The following GREM2 variants were observed in gnomAD, a reference collection of about 807,000 sequenced individuals.
GREM2 encodes the protein gremlin-2.
Under a neutral mutation model 14.2 loss-of-function variants are expected in GREM2, and 11 were observed. The observed-to-expected ratio is 0.78, with a 90% CI of 0.49 to 1.28. The LOEUF is 1.28. Ranked by LOEUF, GREM2 falls within the 50% of genes most tolerant of loss-of-function variation. GREM2 has a pLI of 0.00. For synonymous variants in GREM2, 98 were observed against 97.6 expected (o/e 1.00, Z -0.02); for missense variants, 210 against 218.5 (o/e 0.96, Z 0.24).
At chr1:240,588,675 C>A (rs1377179644) in intron 1 of GREM2, 2 of 152,204 alleles carry the variant, frequency 1.3e-5, no homozygotes, top group East Asian at 3.8e-4. Flanking sequence ...GTTGACCAGA[C>A]AACTGTACCT....
intron 1 of GREM2, among the ~76,000 whole-genome samples, chr1:240,515,920 C>G (rs1192653461): frequency 6.6e-6 from 1 of 152,092 alleles, no homozygotes; most frequent in Non-Finnish European, 1.5e-5. Flanking sequence ...AGAGTTAATG[C>G]TAAATTACTA....
intron 1 of GREM2, among the ~76,000 whole-genome samples, chr1:240,582,763 C>T (rs1023447702): frequency 1.3e-5 from 2 of 151,600 alleles, no homozygotes; most frequent in Non-Finnish European, 2.9e-5. Context: ...CACAATTGCA[C>T]TCCAGCCTGG....
In GREM2 at chr1:240,543,583, G is replaced by C. The variant is rs1464179925; in HGVS notation, c.-1-50107C>G. On this transcript the variant is annotated intron_variant, in intron 1 of 1. Coordinates refer to ENST00000318160, the MANE Select transcript of GREM2 (RefSeq NM_022469.4). This position sits in a 1 kb window ranked among gnomAD's most constrained non-coding sequence, Gnocchi z 6.4. ...TATTACAATTCAAGGTGAGATTTGG[G>C]AGGGGACACAGCCAAACCATACCAG... 6.6e-6 allele frequency among the ~76,000 whole-genome samples: 1 copy of C among 152,166 alleles called. No individual in the cohort carries two copies. Among genetic ancestry groups the C allele is most frequent in the Non-Finnish European group, 1.5e-5 (1 of 68,050 alleles).
intron 1 of GREM2, among the ~76,000 whole-genome samples, chr1:240,592,637 G>C (rs1054680031): frequency 6.6e-6 from 1 of 152,158 alleles, no homozygotes; most frequent in Non-Finnish European, 1.5e-5. Flanking sequence ...GTATTTATGT[G>C]CCTCAAGAAT....
At chr1:240,607,652 A>G (rs1680055041) in intron 1 of GREM2, among the ~76,000 whole-genome samples, 10 of 152,200 alleles carry the variant, frequency 6.6e-5, no homozygotes, top group Admixed American at 6.5e-4. Flanking sequence ...ACACAGATCT[A>G]TGTTGCTCTC....
chr1:240,532,001 C>T (rs1678373492), intron 1 of GREM2, among the ~76,000 whole-genome samples: 1 of 152,112 alleles, frequency 6.6e-6, no homozygotes, highest in Non-Finnish European at 1.5e-5. Flanking sequence ...CTAACAAGCT[C>T]TTTGACCTAG....
intron 1 of GREM2, chr1:240,549,928 G>A (rs1345724056): frequency 6.6e-6 from 1 of 152,362 alleles, no homozygotes; most frequent in Non-Finnish European, 1.5e-5. Context: ...TACCATGGAT[G>A]AGGCAAATAG....
intron 1 of GREM2, among the ~76,000 whole-genome samples, chr1:240,559,275 C>CTATTGTACAATACATACTTTTG (rs1272851010): frequency 6.6e-6 from 1 of 150,446 alleles, no homozygotes; most frequent in Non-Finnish European, 1.5e-5. Flanking sequence ...GTTGACACAT[C>CTATTGTACAATACATACTTTTG]TATTGTACAA....
chr1:240,537,824 C>G (rs1678506478), intron 1 of GREM2, among the ~76,000 whole-genome samples: 1 of 151,384 alleles, frequency 6.6e-6, no homozygotes. Context: ...TGAGTAAGCC[C>G]TGCAAAAAGT....
rs1283060493 is a variant in GREM2 at position 240,491,016 on chromosome 1, C to T, written c.*1953G>A. The T allele has an allele frequency of 2.0e-5, 3 of 152,338 alleles. No homozygotes were observed. Among genetic ancestry groups the T allele is most frequent in the Non-Finnish European group, 4.4e-5 (3 of 68,068 alleles). 9.4% of individuals were successfully genotyped at this position (152,338 alleles called of 1,614,324 possible). On this transcript the variant is annotated 3_prime_UTR_variant, in exon 2 of 2. Transcript: ENST00000318160. Reference sequence around the variant, plus strand: ...TTCGCTCTATCCTCAGGTTCCAGCCCTCAAGGATTTCTTTTGATTTCTGCC... The same window carrying T: ...TTCGCTCTATCCTCAGGTTCCAGCCTTCAAGGATTTCTTTTGATTTCTGCC...
chr1:240,497,651 G>GC (rs139297306), intron 1 of GREM2, among the ~76,000 whole-genome samples: 2 of 140,930 alleles, frequency 1.4e-5, no homozygotes, highest in African/African-American at 2.7e-5. Context: ...GAAAAAAAAA[G>GC]TTTTTTTTTT....
At chr1:240,500,764 G>A (rs1553271883) in intron 1 of GREM2, among the ~76,000 whole-genome samples, 1 of 152,162 alleles carries the variant, frequency 6.6e-6, no homozygotes, top group Non-Finnish European at 1.5e-5. Context: ...TGGAGGAACA[G>A]TTTTTTTGCT....
intron 1 of GREM2, among the ~76,000 whole-genome samples, chr1:240,586,387 T>G (rs1374932244): frequency 1.3e-5 from 2 of 152,216 alleles, no homozygotes; most frequent in Admixed American, 6.5e-5. Context: ...CTCCTTTCTC[T>G]GTGAAGAACA....
chr1:240,511,643 C>T (rs1677833478), intron 1 of GREM2, among the ~76,000 whole-genome samples: 1 of 152,140 alleles, frequency 6.6e-6, no homozygotes, highest in Admixed American at 6.5e-5. Flanking sequence ...ATCCCAGCTA[C>T]TTGGGAGGCT....
chr1:240,586,651 T>C (rs1017483037), intron 1 of GREM2, among the ~76,000 whole-genome samples: 1 of 152,216 alleles, frequency 6.6e-6, no homozygotes, highest in Non-Finnish European at 1.5e-5. Context: ...CCAAACTGCA[T>C]GTACCCATGA....
intron 1 of GREM2, among the ~76,000 whole-genome samples, chr1:240,505,640 A>T (rs1312439179): frequency 1.3e-5 from 2 of 152,036 alleles, no homozygotes; most frequent in African/African-American, 4.8e-5. Flanking sequence ...TGTGTAATCA[A>T]TCCAAAGAGC....
chr1:240,508,813 G>A (rs977466205), intron 1 of GREM2, among the ~76,000 whole-genome samples: 1 of 152,132 alleles, frequency 6.6e-6, no homozygotes, highest in African/African-American at 2.4e-5. Flanking sequence ...CCAGGTCCAC[G>A]TACTTCCAGA....
At chr1:240,555,553 T>C (rs1018296026) in intron 1 of GREM2, among the ~76,000 whole-genome samples, 1 of 152,234 alleles carries the variant, frequency 6.6e-6, no homozygotes, top group African/African-American at 2.4e-5. Flanking sequence ...AATGAAAGTA[T>C]AGCAGTGTTC....
At chr1:240,555,381 C>T (rs555514921) in intron 1 of GREM2, among the ~76,000 whole-genome samples, 2 of 152,234 alleles carry the variant, frequency 1.3e-5, no homozygotes, top group South Asian at 4.1e-4. Flanking sequence ...AAACATTTAG[C>T]ACAGGGCCTG....
Sources: allele counts gnomAD v4.1 joint callset (sites outside exome capture counted in the v4.1 genomes callset), GRCh38; gene constraint gnomAD v4.1.1; non-coding constraint Gnocchi (gnomAD v3.1); transcripts MANE v1.5; gene names NCBI Gene and HGNC (gene_info 2026-07-23, HGNC 2026-07-21).